The following FMN1 variants were observed in gnomAD, a reference collection of about 807,000 sequenced individuals.
FMN1 encodes formin 1, also known as formin-1.
Under a neutral mutation model 132.4 loss-of-function variants are expected in FMN1, and 110 were observed. The observed-to-expected ratio is 0.83, with a 90% CI of 0.71 to 0.97. FMN1 has a LOEUF of 0.97. FMN1 is among the 50% of genes least tolerant of loss of function. The pLI is 0.00. For missense variants in FMN1, 1,792 were observed against 1,705.3 expected (o/e 1.05, Z -0.90); for synonymous variants, 722 against 651.7 (o/e 1.11, Z -1.64).
At chr15:32,884,537 T>G (rs1439367774) in intron 16 of FMN1, among the ~76,000 whole-genome samples, 3 of 152,218 alleles carry the variant, frequency 2.0e-5, no homozygotes, top group African/African-American at 2.4e-5. Context: ...AGTCCCTTTT[T>G]GCCATGTAAG....
rs57232200 is a variant in FMN1 at position 33,185,568 on chromosome 15, A to ATTTTTTTT, written c.-196-5314_-196-5307dup. Among the ~76,000 whole-genome samples the ATTTTTTTT allele has an allele frequency of 1.5e-3, 169 of 113,388 alleles. 7 individuals are homozygous for ATTTTTTTT. Among genetic ancestry groups the ATTTTTTTT allele is most frequent in the African/African-American group, 5.7e-3 (135 of 23,858 alleles). The allele number at this position is 113,388 out of a possible 152,430, so 74.4% of individuals were successfully genotyped here. A position where few individuals can be genotyped will look rare whatever the true frequency, so the allele number is the denominator to read the frequency against. On this transcript the variant is annotated intron_variant, in intron 2 of 20. Coordinates refer to ENST00000616417, the MANE Select transcript of FMN1 (RefSeq NM_001277313.2). ...GTAATTTTTTTTTAATAAAGTAAGA[A>ATTTTTTTT]TTTTTTTTTTTTTTTTTTTTTTACA...
intron 6 of FMN1, among the ~76,000 whole-genome samples, chr15:33,016,015 T>C (rs1354668670): frequency 6.6e-6 from 1 of 152,222 alleles, no homozygotes; most frequent in African/African-American, 2.4e-5. Flanking sequence ...TTGGAATCTC[T>C]GAGGCTACTT....
intron 4 of FMN1, among the ~76,000 whole-genome samples, chr15:33,136,651 T>C (rs1963779928): frequency 3.9e-5 from 6 of 152,218 alleles, no homozygotes; most frequent in Admixed American, 3.9e-4. Context: ...TTTGTGCTGG[T>C]CAATATAACC....
At chr15:33,035,924 T>C (rs1047550833) in intron 6 of FMN1, among the ~76,000 whole-genome samples, 6 of 152,120 alleles carry the variant, frequency 3.9e-5, no homozygotes, top group African/African-American at 1.4e-4. Flanking sequence ...TGGACTGTCA[T>C]AGGAGGGAAG....
intron 17 of FMN1, among the ~76,000 whole-genome samples, chr15:32,806,154 T>C (rs2057673179): frequency 6.6e-6 from 1 of 152,242 alleles, no homozygotes; most frequent in Admixed American, 6.5e-5. Flanking sequence ...TTCAGATTCC[T>C]TTAATTTAGG....
rs76795935 is a variant in FMN1, at chr15:32,919,420, A to T, written c.3226+6754T>A. Among the ~76,000 whole-genome samples, 1,283 of 152,336 alleles carry T rather than the reference A, an allele frequency of 8.4e-3. 15 individuals are homozygous for T. The highest frequency in any genetic ancestry group is 0.029 in the African/African-American group (1,225 of 41,568). ...ATAAACAGAATTTATCACTAAGGCT[A>T]CTTAAAATGTGGGTTTAACTTCATT... On this transcript the variant is annotated intron_variant, in intron 10 of 20. Coordinates refer to ENST00000616417, the MANE Select transcript of FMN1 (RefSeq NM_001277313.2).
At chr15:33,046,654 C>T (rs1343438171) in intron 6 of FMN1, among the ~76,000 whole-genome samples, 2 of 152,114 alleles carry the variant, frequency 1.3e-5, no homozygotes, top group Non-Finnish European at 2.9e-5. Context: ...TATGGTATGG[C>T]AAACAGGGTT....
intron 17 of FMN1, among the ~76,000 whole-genome samples, chr15:32,855,157 T>TAAAAAAAAAAAAAAAAA (rs750275479): frequency 1.2e-5 from 1 of 85,506 alleles, no homozygotes; most frequent in Non-Finnish European, 2.5e-5. Context: ...ACGTGGAGAG[T>TAAAAAAAAAAAAAAAAA]AAAAAAAAAA....
At chr15:33,052,026 G>C (rs1189301378) in intron 6 of FMN1, among the ~76,000 whole-genome samples, 1 of 152,052 alleles carries the variant, frequency 6.6e-6, no homozygotes, top group African/African-American at 2.4e-5. Context: ...ATGTCCCTTG[G>C]TCAAATTCTT....
At chr15:33,129,638 T>C (rs2140222184) in intron 4 of FMN1, among the ~76,000 whole-genome samples, 1 of 152,242 alleles carries the variant, frequency 6.6e-6, no homozygotes, top group African/African-American at 2.4e-5. Context: ...ATGAGGAGAC[T>C]GAATCTGAGG....
chr15:32,996,252 C>A (rs1227280985), intron 7 of FMN1, among the ~76,000 whole-genome samples: 1 of 152,176 alleles, frequency 6.6e-6, no homozygotes, highest in Non-Finnish European at 1.5e-5. Context: ...TTCTTCAAGA[C>A]CACACATCTA....
At chr15:32,925,382 C>A (rs900580853) in intron 10 of FMN1, among the ~76,000 whole-genome samples, 1 of 152,162 alleles carries the variant, frequency 6.6e-6, no homozygotes, top group Non-Finnish European at 1.5e-5. Context: ...TATTCTTCCA[C>A]TCAGATTAAG....
intron 15 of FMN1, among the ~76,000 whole-genome samples, chr15:32,890,457 C>T (rs1263907084): frequency 6.6e-6 from 1 of 152,192 alleles, no homozygotes; most frequent in Non-Finnish European, 1.5e-5. Flanking sequence ...TTGATTATGG[C>T]CATTCTTGCA....
chr15:33,116,626 C>T (rs1483845657), intron 4 of FMN1, among the ~76,000 whole-genome samples: 1 of 151,888 alleles, frequency 6.6e-6, no homozygotes, highest in Non-Finnish European at 1.5e-5. Context: ...TATTTCTGCT[C>T]ATTATTTGGC....
chr15:32,807,879 C>A (rs1261002217), intron 17 of FMN1, among the ~76,000 whole-genome samples: 1 of 152,150 alleles, frequency 6.6e-6, no homozygotes, highest in Non-Finnish European at 1.5e-5. Flanking sequence ...AGGCATCTAC[C>A]TTTATGGTGT....
chr15:33,113,501 CTT>C (rs1292602036), intron 4 of FMN1, among the ~76,000 whole-genome samples: 1 of 152,068 alleles, frequency 6.6e-6, no homozygotes, highest in African/African-American at 2.4e-5. Flanking sequence ...TATGCAGCCT[CTT>C]TTTTCCAACA....
rs538400846 is a variant in FMN1 at position 32,871,090 on chromosome 15, C to A, written c.3836-13983G>T. On this transcript the variant is annotated intron_variant, in intron 16 of 20. Coordinates refer to ENST00000616417, the MANE Select transcript of FMN1 (RefSeq NM_001277313.2). ...AGGGGTCCTAGGCAGGCAGCCCAGG[C>A]ATGGAGGTACCGGGCCTCTGAAGGG... Among the ~76,000 whole-genome samples the A allele has an allele frequency of 2.6e-5, 4 of 152,266 alleles. No individual in the cohort carries two copies. The South Asian group carries it at 8.3e-4, about 32-fold the overall frequency.
intron 17 of FMN1, among the ~76,000 whole-genome samples, chr15:32,848,351 C>T (rs2058911821): frequency 1.6e-5 from 1 of 61,028 alleles, no homozygotes; most frequent in South Asian, 5.5e-4. Flanking sequence ...TGTGTGCGTG[C>T]ACACGTGTGT....
intron 4 of FMN1, among the ~76,000 whole-genome samples, chr15:33,098,214 T>C (rs2039159250): frequency 6.6e-6 from 1 of 152,188 alleles, no homozygotes; most frequent in African/African-American, 2.4e-5. Flanking sequence ...AATTCAATAA[T>C]CAGAGAGAAA....
Sources: allele counts gnomAD v4.1 joint callset (sites outside exome capture counted in the v4.1 genomes callset), GRCh38; gene constraint gnomAD v4.1.1; transcripts MANE v1.5; gene names NCBI Gene and HGNC (gene_info 2026-07-23, HGNC 2026-07-21).